STK24: variants seen among roughly 807,000 people sequenced by gnomAD.
The protein encoded by STK24 is serine/threonine-protein kinase 24.
STK24 carries 21 observed loss-of-function variants against 55.6 expected under a neutral mutation model. The observed-to-expected ratio is 0.38, with a 90% confidence interval of 0.27 to 0.54. The LOEUF (loss-of-function observed/expected upper bound fraction) is 0.54, where lower values mean the gene tolerates loss of function less well. STK24 is among the 20% of genes least tolerant of loss of function. The pLI, the probability that STK24 is intolerant of heterozygous loss-of-function variation, is 0.79. For synonymous variants in STK24, 200 were observed against 215.2 expected (o/e 0.93, Z 0.62); for missense variants, 383 against 538.4 (o/e 0.71, Z 2.86).
chr13:98,576,894 C>T lies in STK24; in HGVS notation c.-108G>A, dbSNP rs1408987884. 5.5e-6 allele frequency: 4 copies of T among 729,540 alleles called. No individual in the cohort carries two copies. The highest frequency in any genetic ancestry group is 6.5e-5 in the Admixed American group (1 of 15,342). The allele number at this position is 729,540 out of a possible 1,614,324, so 45.2% of individuals were successfully genotyped here. A position where few individuals can be genotyped will look rare whatever the true frequency, so the allele number is the denominator to read the frequency against. ...GCAGCCCTCGGGCGGCGGGGCCGGCCGGAGCCCGAGGCCACCCCAGCCCTG... is the reference window on the plus strand; with the variant it reads ...GCAGCCCTCGGGCGGCGGGGCCGGCTGGAGCCCGAGGCCACCCCAGCCCTG... On this transcript the variant is annotated 5_prime_UTR_variant, in exon 1 of 11. Coordinates refer to ENST00000539966, the MANE Select transcript of STK24 (RefSeq NM_001032296.4).
chr13:98,483,519 T>C (rs1449863198), intron 2 of STK24, among the ~76,000 whole-genome samples: 1 of 152,204 alleles, frequency 6.6e-6, no homozygotes, highest in African/African-American at 2.4e-5. Flanking sequence ...CTCACTGCGC[T>C]GACTCCAAGT....
Position 98,576,239 on chromosome 13 carries a change from C to T in STK24, c.42+506G>A, listed in dbSNP as rs1005224099. On this transcript the variant is annotated intron_variant, in intron 1 of 10. Coordinates refer to ENST00000539966, the MANE Select transcript of STK24 (RefSeq NM_001032296.4). Reference sequence around the variant, plus strand: ...CTCCACCCTGCCTACTCCGCTCGGGCCCGGACGAGTCCAGGCGCGCTCCCC... The same window carrying T: ...CTCCACCCTGCCTACTCCGCTCGGGTCCGGACGAGTCCAGGCGCGCTCCCC... 5.1e-6 allele frequency: 5 copies of T among 985,160 alleles called. No individual in the cohort carries two copies. The African/African-American group carries it at 7.0e-5, about 14-fold the overall frequency. The allele number at this position is 985,160 out of a possible 1,614,324, so 61.0% of individuals were successfully genotyped here.
In STK24 at chr13:98,453,205, A is replaced by T; in HGVS notation, c.1264T>A (p.Ser422Thr). The T allele has an allele frequency of 6.2e-7, 1 of 1,613,398 alleles. No individual in the cohort carries two copies. Among genetic ancestry groups the T allele is most frequent in the Non-Finnish European group, 8.5e-7 (1 of 1,179,762 alleles). Residue 422 changes from serine (S) to threonine (T), a missense_variant, in exon 11 of 11, where the codon TCT (serine) becomes ACT (threonine). Physicochemically the swap from Ser to Thr is moderately conservative, Grantham distance 58 (BLOSUM62 1). Coordinates refer to ENST00000539966, the MANE Select transcript of STK24 (RefSeq NM_001032296.4). ...GATGAAGTTCCTCCACCACTTAGAGAGTATCTAGGGAAAAAGAGAGAGAGA... is the reference window on the plus strand; with the variant it reads ...GATGAAGTTCCTCCACCACTTAGAGTGTATCTAGGGAAAAAGAGAGAGAGA... The part of the protein sequence containing the change: ...AQLVQRLQRY[S>T]LSGGGTSSH
At chr13:98,576,004 G>A (rs1333833661) in intron 1 of STK24, 2 of 984,852 alleles carry the variant, frequency 2.0e-6, no homozygotes, top group African/African-American at 1.7e-5. Flanking sequence ...CCGAAAGAGA[G>A]GTTTACTGGG....
intron 2 of STK24, among the ~76,000 whole-genome samples, chr13:98,495,066 G>A (rs1442001292): frequency 2.6e-5 from 4 of 152,208 alleles, no homozygotes; most frequent in East Asian, 1.9e-4. Context: ...AACCAGGTCC[G>A]ATGTCAGCAA....
At chr13:98,551,547 A>G (rs1382152888) in intron 1 of STK24, among the ~76,000 whole-genome samples, 1 of 151,590 alleles carries the variant, frequency 6.6e-6, no homozygotes, top group Non-Finnish European at 1.5e-5. Flanking sequence ...GGAAGGAAAA[A>G]CCTAACCCTT....
chr13:98,536,147 G>A (rs998765620), intron 1 of STK24, among the ~76,000 whole-genome samples: 1 of 151,648 alleles, frequency 6.6e-6, no homozygotes, highest in Non-Finnish European at 1.5e-5. Flanking sequence ...CCTGCCCACC[G>A]GGGGGAAAAA....
At chr13:98,465,133 T>A (rs978202743) in intron 6 of STK24, among the ~76,000 whole-genome samples, 22 of 152,152 alleles carry the variant, frequency 1.4e-4, no homozygotes, top group Non-Finnish European at 1.8e-4. Context: ...ATGGCCCAAA[T>A]GGGAACAGAC....
chr13:98,575,428 CAT>C (rs1555314251), intron 1 of STK24, among the ~76,000 whole-genome samples: 4 of 140,404 alleles, frequency 2.8e-5, no homozygotes, highest in South Asian at 2.3e-4. Context: ...CACACACACA[CAT>C]ATACACACAC....
At position 98,451,769 on chromosome 13, in the gene STK24, T is replaced by G. The variant is rs1440312980; in HGVS notation, c.*1404A>C. On this transcript the variant is annotated 3_prime_UTR_variant, in exon 11 of 11. Coordinates refer to ENST00000539966, the MANE Select transcript of STK24 (RefSeq NM_001032296.4). ...GCTTCATGTACCAGTCAACAGCTGC[T>G]GCACGAACCCTCCCACTCCAGAAAC... The G allele has an allele frequency of 2.0e-5, 3 of 152,256 alleles. No homozygotes were observed. The highest frequency in any genetic ancestry group is 2.9e-5 in the Non-Finnish European group (2 of 68,050). 9.4% of individuals were successfully genotyped at this position (152,256 alleles called of 1,614,324 possible).
chr13:98,568,004 T>A (rs1308979911), intron 1 of STK24, among the ~76,000 whole-genome samples: 1 of 85,456 alleles, frequency 1.2e-5, no homozygotes, highest in African/African-American at 6.7e-5. Context: ...AACAGAGAAC[T>A]TTTTTTTTTT....
intron 1 of STK24, chr13:98,576,311 G>C (rs1056234247): frequency 7.8e-5 from 63 of 808,904 alleles, no homozygotes; most frequent in Non-Finnish European, 9.4e-5. Context: ...GGGGGTGGGG[G>C]ACGAGCCTGG....
chr13:98,483,549 ACGCCCC>A (rs1482500217), intron 2 of STK24, among the ~76,000 whole-genome samples: 2 of 152,096 alleles, frequency 1.3e-5, no homozygotes, highest in African/African-American at 4.8e-5. Flanking sequence ...CTTTGAGAAC[ACGCCCC>A]AACTTCCCAG....
In STK24 at chr13:98,475,256, T is replaced by C. The variant is rs1894322243; in HGVS notation, c.433A>G (p.Ile145Val). The C allele has an allele frequency of 1.9e-6, 3 of 1,608,528 alleles. No homozygotes were observed. The highest frequency in any genetic ancestry group is 2.5e-6 in the Non-Finnish European group (3 of 1,176,482). The change falls in exon 4 of 11, where the codon ATT becomes GTT. Residue 145 changes from isoleucine to valine, a missense_variant. By Grantham distance (29) the Ile-to-Val change is conservative (BLOSUM62 3). Coordinates refer to ENST00000539966, the MANE Select transcript of STK24 (RefSeq NM_001032296.4). ...AAAACGGATGTCCTCTTACCTTTAATGTCTCTGTGGATTTTCTTCTCCGAA... is the reference window on the plus strand; with the variant it reads ...AAAACGGATGTCCTCTTACCTTTAACGTCTCTGTGGATTTTCTTCTCCGAA... ...LHSEKKIHRD[I>V]KAANVLLSEH...
chr13:98,514,752 T>C (rs1895997338), intron 2 of STK24, among the ~76,000 whole-genome samples: 1 of 152,212 alleles, frequency 6.6e-6, no homozygotes, highest in Non-Finnish European at 1.5e-5. Flanking sequence ...GAGGAATAAA[T>C]AATTTATCAT....
intron 1 of STK24, among the ~76,000 whole-genome samples, chr13:98,559,118 A>T (rs1209356225): frequency 6.6e-6 from 1 of 151,016 alleles, no homozygotes; most frequent in East Asian, 2.0e-4. Flanking sequence ...TGAACTCAGG[A>T]GGTGGAGGTT....
At chr13:98,567,689 G>A (rs112337872) in intron 1 of STK24, among the ~76,000 whole-genome samples, 2,385 of 152,232 alleles carry the variant, frequency 0.016, 84 homozygotes, top group African/African-American at 0.054. Flanking sequence ...GTTCTTGCCC[G>A]CCGCCCTGGC....
At chr13:98,478,729 CT>C in intron 3 of STK24, among the ~76,000 whole-genome samples, 1 of 152,324 alleles carries the variant, frequency 6.6e-6, no homozygotes, top group South Asian at 2.1e-4. Context: ...ACATCTCTGC[CT>C]GATTAAGTGA....
At chr13:98,496,675 G>A (rs1895263093) in intron 2 of STK24, among the ~76,000 whole-genome samples, 1 of 152,164 alleles carries the variant, frequency 6.6e-6, no homozygotes, top group Non-Finnish European at 1.5e-5. Context: ...AAAATGAGCT[G>A]CACATGTGAT....
Sources: allele counts gnomAD v4.1 joint callset (sites outside exome capture counted in the v4.1 genomes callset), GRCh38; gene constraint gnomAD v4.1.1; transcripts MANE v1.5; gene names NCBI Gene and HGNC (gene_info 2026-07-23, HGNC 2026-07-21).